The following GALNT13 variants were observed in gnomAD, a reference collection of about 807,000 sequenced individuals.
The protein encoded by GALNT13 is polypeptide N-acetylgalactosaminyltransferase 13.
GALNT13 carries 28 observed loss-of-function variants against 64.2 expected under a neutral mutation model. The ratio of observed to expected loss-of-function variants is 0.44; its 90% CI spans 0.32 to 0.60. The LOEUF is 0.60. Among genes scored for constraint, GALNT13 ranks in the 20% least tolerant of loss-of-function variants. The pLI, the probability that GALNT13 is intolerant of heterozygous loss-of-function variation, is 0.05. For synonymous variants in GALNT13, 214 were observed against 224.6 expected (o/e 0.95, Z 0.42); for missense variants, 577 against 669.8 (o/e 0.86, Z 1.53).
chr2:154,055,209 T>C (rs1294784860), intron 3 of GALNT13, among the ~76,000 whole-genome samples: 1 of 152,044 alleles, frequency 6.6e-6, no homozygotes, highest in East Asian at 1.9e-4. Flanking sequence ...AGCAGTTCTG[T>C]CTATGAGAAG....
At chr2:153,685,789 T>G in the GALNT13 span, among the ~76,000 whole-genome samples, 3 of 152,068 alleles carry the variant, frequency 2.0e-5, no homozygotes, top group East Asian at 5.8e-4. Context: ...AAGGTTTTTA[T>G]GGTTTGGGGT....
the GALNT13 span, among the ~76,000 whole-genome samples, chr2:153,804,730 T>C: frequency 6.6e-6 from 1 of 152,208 alleles, no homozygotes. Context: ...AAATGAGTGA[T>C]ACTTAAGTGT....
At chr2:153,763,470 T>C in the GALNT13 span, among the ~76,000 whole-genome samples, 1 of 152,180 alleles carries the variant, frequency 6.6e-6, no homozygotes, top group African/African-American at 2.4e-5. Flanking sequence ...TGAATAAGTC[T>C]TATGAGATCT....
chr2:153,882,863 C>G (rs1955152), intron 1 of GALNT13, among the ~76,000 whole-genome samples: 2 of 150,688 alleles, frequency 1.3e-5, no homozygotes, highest in African/African-American at 4.9e-5. Context: ...TCATTCTTAA[C>G]TACATAAAAC....
the GALNT13 span, among the ~76,000 whole-genome samples, chr2:153,545,318 A>G: frequency 6.6e-6 from 1 of 152,168 alleles, no homozygotes; most frequent in African/African-American, 2.4e-5. Context: ...AGAAGGAAAG[A>G]GCAAGGAGAA....
At chr2:153,991,917 A>G (rs962863647) in intron 3 of GALNT13, among the ~76,000 whole-genome samples, 2 of 152,206 alleles carry the variant, frequency 1.3e-5, no homozygotes, top group African/African-American at 4.8e-5. Context: ...TACTAAGGAC[A>G]AGCTTGTACT....
At chr2:153,504,032 ATTTG>A in the GALNT13 span, among the ~76,000 whole-genome samples, 2 of 151,938 alleles carry the variant, frequency 1.3e-5, no homozygotes, top group South Asian at 2.1e-4. Flanking sequence ...ATGTGTTTCC[ATTTG>A]TTTGTTTGTG....
the GALNT13 span, among the ~76,000 whole-genome samples, chr2:153,112,228 T>G: frequency 3.3e-5 from 5 of 152,254 alleles, no homozygotes; most frequent in East Asian, 1.9e-4. Context: ...GCGAGCATGC[T>G]TGGATCTACT....
At chr2:153,552,423 T>C in the GALNT13 span, among the ~76,000 whole-genome samples, 780 of 151,774 alleles carry the variant, frequency 5.1e-3, 9 homozygotes, top group African/African-American at 0.018. Context: ...GGAGGAGAGA[T>C]TGAATCAAAT....
intron 4 of GALNT13, among the ~76,000 whole-genome samples, chr2:154,218,949 A>G (rs1688185849): frequency 6.6e-6 from 1 of 151,948 alleles, no homozygotes; most frequent in Non-Finnish European, 1.5e-5. Context: ...CCCTACAGTT[A>G]TGCCTAAGTG....
chr2:153,950,783 A>G (rs1692118640), intron 3 of GALNT13, among the ~76,000 whole-genome samples: 1 of 152,110 alleles, frequency 6.6e-6, no homozygotes, highest in South Asian at 2.1e-4. Flanking sequence ...TTGAACATAT[A>G]ATAGTAAATT....
the GALNT13 span, among the ~76,000 whole-genome samples, chr2:153,674,235 C>A: frequency 6.6e-6 from 1 of 152,094 alleles, no homozygotes; most frequent in Non-Finnish European, 1.5e-5. Flanking sequence ...AAAGAGCCCG[C>A]ATTGCCAAGA....
At chr2:153,356,798 T>C in the GALNT13 span, among the ~76,000 whole-genome samples, 3 of 132,836 alleles carry the variant, frequency 2.3e-5, no homozygotes, top group Non-Finnish European at 3.2e-5. Context: ...TCTTTTTTTT[T>C]TTTTTTTTTT....
chr2:154,107,143 T>G (rs1702664337), intron 3 of GALNT13, among the ~76,000 whole-genome samples: 1 of 152,170 alleles, frequency 6.6e-6, no homozygotes, highest in African/African-American at 2.4e-5. Flanking sequence ...CACCATAAGC[T>G]GAGCAGATGG....
At chr2:153,126,294 T>TTATATATATATATATATA in the GALNT13 span, among the ~76,000 whole-genome samples, 1 of 50,956 alleles carries the variant, frequency 2.0e-5, no homozygotes. Flanking sequence ...AGTATTGATT[T>TTATATATATATATATATA]TGTATATATA....
chr2:153,732,213 T>C, the GALNT13 span, among the ~76,000 whole-genome samples: 1 of 151,998 alleles, frequency 6.6e-6, no homozygotes, highest in Non-Finnish European at 1.5e-5. Flanking sequence ...GGTTCGAGGA[T>C]ACATCTCTAA....
chr2:154,241,110 T>A (rs1016008754), intron 4 of GALNT13, among the ~76,000 whole-genome samples: 1 of 152,192 alleles, frequency 6.6e-6, no homozygotes, highest in East Asian at 1.9e-4. Flanking sequence ...TCCAGCTGTC[T>A]GTGTCTTCTC....
intron 3 of GALNT13, among the ~76,000 whole-genome samples, chr2:154,113,156 A>C (rs564907508): frequency 6.6e-6 from 1 of 152,330 alleles, no homozygotes; most frequent in South Asian, 2.1e-4. Context: ...AAAGGAGAAT[A>C]GTTATCTGCA....
intron 3 of GALNT13, among the ~76,000 whole-genome samples, chr2:154,023,776 T>C (rs889823188): frequency 1.2e-4 from 19 of 152,248 alleles, no homozygotes; most frequent in Non-Finnish European, 2.1e-4. Context: ...GTTGATGCAG[T>C]TTCTTCCTAG....
Sources: gnomAD v4.1 joint callset for allele counts (sites outside exome capture counted in the v4.1 genomes callset) on GRCh38, gnomAD v4.1.1 for gene constraint, MANE v1.5 for transcripts, NCBI Gene and HGNC (gene_info 2026-07-23, HGNC 2026-07-21) for gene names.